The following CDC42SE2 variants were observed in gnomAD, a reference collection of about 807,000 sequenced individuals.
CDC42SE2 encodes the protein CDC42 small effector protein 2.
Under a neutral mutation model 11.5 loss-of-function variants are expected in CDC42SE2, and 3 were observed. The ratio of observed to expected loss-of-function variants is 0.26; its 90% CI spans 0.12 to 0.67. The LOEUF is 0.67. Ranked by LOEUF, CDC42SE2 falls within the 30% of genes least tolerant of loss-of-function variation. The pLI is 0.80. For missense variants in CDC42SE2, 82 were observed against 106.8 expected (o/e 0.77, Z 1.02); for synonymous variants, 33 against 34.8 (o/e 0.95, Z 0.18).
chr5:131,315,129 G>A (rs967003972), intron 1 of CDC42SE2, among the ~76,000 whole-genome samples: 3 of 152,082 alleles, frequency 2.0e-5, no homozygotes, highest in African/African-American at 7.2e-5. Context: ...GACTGAGGAA[G>A]CAGTGTATCT....
chr5:131,260,974 G>C (rs897031678), upstream of CDC42SE2, among the ~76,000 whole-genome samples: 1 of 152,186 alleles, frequency 6.6e-6, no homozygotes, highest in Non-Finnish European at 1.5e-5. Flanking sequence ...TATACTTTTA[G>C]GGAAAATCCA....
chr5:131,302,823 CTTT>C (rs201295430), intron 1 of CDC42SE2, among the ~76,000 whole-genome samples: 1 of 140,164 alleles, frequency 7.1e-6, no homozygotes. Context: ...CCTCATGACT[CTTT>C]TTTTTTTTTT....
At chr5:131,270,557 A>G (rs1048121013) in intron 1 of CDC42SE2, among the ~76,000 whole-genome samples, 2 of 152,160 alleles carry the variant, frequency 1.3e-5, no homozygotes, top group African/African-American at 2.4e-5. Flanking sequence ...TGAAAGGTTT[A>G]ATGGGTGGAA....
rs145544993 is a variant in CDC42SE2, at chr5:131,382,688, G to A, written c.55-2855G>A. Reference sequence around the variant, plus strand: ...CTTGACATGTTTACTGCAAACGCCTGGGGAAGAGTCTGGTGTCCTGCAGAT... The same window carrying A: ...CTTGACATGTTTACTGCAAACGCCTAGGGAAGAGTCTGGTGTCCTGCAGAT... On this transcript the variant is annotated intron_variant, in intron 3 of 4. Coordinates refer to ENST00000505065, the MANE Select transcript of CDC42SE2 (RefSeq NM_001375635.1). Among the ~76,000 whole-genome samples the A allele has an allele frequency of 4.1e-3, 628 of 152,238 alleles. 4 individuals are homozygous for A. The highest frequency in any genetic ancestry group is 0.013 in the African/African-American group (543 of 41,522).
In CDC42SE2 at chr5:131,393,408, C is replaced by T. The variant is rs1020972557; in HGVS notation, c.*2317C>T. 17 of 152,354 alleles carry T rather than the reference C, an allele frequency of 1.1e-4. No individual in the cohort carries two copies. The highest frequency in any genetic ancestry group is 3.9e-4 in the African/African-American group (16 of 41,448). 9.4% of individuals were successfully genotyped at this position (152,354 alleles called of 1,614,324 possible). Reference sequence around the variant, plus strand: ...CAGTTTTGAGCCTTTGTGTCAATCCCAAGCACAGAGAGGATCTGCCAAGGA... The same window carrying T: ...CAGTTTTGAGCCTTTGTGTCAATCCTAAGCACAGAGAGGATCTGCCAAGGA... On this transcript the variant is annotated 3_prime_UTR_variant, in exon 5 of 5. Coordinates refer to ENST00000505065, the MANE Select transcript of CDC42SE2 (RefSeq NM_001375635.1).
chr5:131,371,150 G>A (rs1470370646), intron 3 of CDC42SE2, among the ~76,000 whole-genome samples: 6 of 152,122 alleles, frequency 3.9e-5, no homozygotes, highest in Non-Finnish European at 8.8e-5. Context: ...TATTTATGAT[G>A]TTTATAATAT....
intron 1 of CDC42SE2, among the ~76,000 whole-genome samples, chr5:131,271,193 T>C (rs571622925): frequency 2.8e-4 from 42 of 152,214 alleles, no homozygotes; most frequent in Non-Finnish European, 4.3e-4. Context: ...TTTTCTTTAG[T>C]CTTTAAGGTA....
upstream of CDC42SE2, chr5:131,261,513 A>G (rs577657116): frequency 5.0e-4 from 76 of 152,350 alleles, no homozygotes; most frequent in African/African-American, 1.6e-3. Context: ...AGAGACTGCT[A>G]TGAATATAAC....
intron 1 of CDC42SE2, among the ~76,000 whole-genome samples, chr5:131,295,466 A>G (rs1175023939): frequency 6.6e-6 from 1 of 152,176 alleles, no homozygotes; most frequent in African/African-American, 2.4e-5. Flanking sequence ...AGTTCTACAT[A>G]TACAGAATGG....
At position 131,370,345 on chromosome 5, in the gene CDC42SE2, TA is replaced by T. The variant is rs1036292678; in HGVS notation, c.54+10799del. On this transcript the variant is annotated intron_variant, in intron 3 of 4. Transcript: ENST00000505065. ...ATAAATATGGCAAATGAGCATCAATTATTTTTTTTTCTATATGCCCATTGGA... is the reference window on the plus strand; with the variant it reads ...ATAAATATGGCAAATGAGCATCAATTTTTTTTTTTCTATATGCCCATTGGA... Among the ~76,000 whole-genome samples, 238 of 152,290 alleles carry T rather than the reference TA, an allele frequency of 1.6e-3. 1 individual carries two copies. The highest frequency in any genetic ancestry group is 5.5e-3 in the African/African-American group (229 of 41,556).
At chr5:131,272,020 T>A (rs1438635733) in intron 1 of CDC42SE2, among the ~76,000 whole-genome samples, 1 of 152,070 alleles carries the variant, frequency 6.6e-6, no homozygotes, top group Non-Finnish European at 1.5e-5. Context: ...TGTTTTGTTT[T>A]CGCTTTTTGA....
chr5:131,330,851 CA>C lies in CDC42SE2; in HGVS notation c.-286+14727del, dbSNP rs912955913. The stretch of plus-strand genomic sequence containing the variant: ...GGGAAACATATAGACCCTGCCTTTA[CA>C]AAAAAAAAAAAAAAAAAAATTTAAG... On this transcript the variant is annotated intron_variant, in intron 2 of 4. Coordinates refer to ENST00000505065, the MANE Select transcript of CDC42SE2 (RefSeq NM_001375635.1). Among the ~76,000 whole-genome samples, 522 of 58,150 alleles carry C rather than the reference CA, an allele frequency of 9.0e-3. 1 individual carries two copies. The highest frequency in any genetic ancestry group is 0.016 in the African/African-American group (295 of 17,908). 38.1% of individuals were successfully genotyped at this position (58,150 alleles called of 152,430 possible).
At chr5:131,213,177 G>A in the CDC42SE2 span, among the ~76,000 whole-genome samples, 1 of 152,074 alleles carries the variant, frequency 6.6e-6, no homozygotes, top group Non-Finnish European at 1.5e-5. Flanking sequence ...TGGGCAACAA[G>A]AGCGAAACTC....
intron 2 of CDC42SE2, among the ~76,000 whole-genome samples, chr5:131,343,163 TA>T (rs1340451612): frequency 1.4e-5 from 2 of 145,180 alleles, no homozygotes; most frequent in Non-Finnish European, 1.5e-5. Context: ...CCGAGAAGAG[TA>T]ACATAGAAAT....
chr5:131,376,431 C>G (rs913611032), intron 3 of CDC42SE2, among the ~76,000 whole-genome samples: 11 of 152,072 alleles, frequency 7.2e-5, no homozygotes, highest in Admixed American at 6.5e-4. Flanking sequence ...GGAACTGTGC[C>G]TGGTATCTTA....
At chr5:131,263,478 T>C (rs1226783775), upstream of CDC42SE2, among the ~76,000 whole-genome samples, 1 of 152,198 alleles carries the variant, frequency 6.6e-6, no homozygotes, top group African/African-American at 2.4e-5. Context: ...CATGTGTAAT[T>C]TTCACGCATT....
intron 3 of CDC42SE2, among the ~76,000 whole-genome samples, chr5:131,362,632 A>G (rs912131448): frequency 6.6e-6 from 1 of 152,148 alleles, no homozygotes; most frequent in African/African-American, 2.4e-5. Context: ...TGGGAAGAAA[A>G]TAGAATGTAT....
chr5:131,366,387 G>C (rs1749857703), intron 3 of CDC42SE2, among the ~76,000 whole-genome samples: 1 of 152,182 alleles, frequency 6.6e-6, no homozygotes, highest in South Asian at 2.1e-4. Context: ...ATAGCATTCG[G>C]CGTGAGTTCA....
chr5:131,368,473 C>G (rs1218231855), intron 3 of CDC42SE2, among the ~76,000 whole-genome samples: 1 of 152,018 alleles, frequency 6.6e-6, no homozygotes, highest in East Asian at 1.9e-4. Flanking sequence ...CACCTTTTGT[C>G]GTGTTTTGGC....
Sources: gnomAD v4.1 joint callset for allele counts (sites outside exome capture counted in the v4.1 genomes callset) on GRCh38, gnomAD v4.1.1 for gene constraint, MANE v1.5 for transcripts, NCBI Gene and HGNC (gene_info 2026-07-23, HGNC 2026-07-21) for gene names.